SAMD3: variants seen among roughly 807,000 people sequenced by gnomAD.
The protein encoded by SAMD3 is sterile alpha motif domain containing 3, also known as sterile alpha motif domain-containing protein 3.
In SAMD3, 63 loss-of-function variants were observed where a neutral mutation model predicts 58.5. That is an observed-to-expected ratio of 1.08 (90% CI 0.88 to 1.33). The LOEUF (loss-of-function observed/expected upper bound fraction) is 1.33, where lower values mean the gene tolerates loss of function less well. Ranked by LOEUF, SAMD3 falls within the 40% of genes most tolerant of loss-of-function variation. The pLI is 0.00. For synonymous variants in SAMD3, 220 were observed against 210.3 expected, an observed-to-expected ratio of 1.05 and a Z score of -0.40; for missense variants, 604 against 608.4, an observed-to-expected ratio of 0.99 and a Z score of 0.08.
intron 2 of SAMD3, among the ~76,000 whole-genome samples, chr6:130,273,275 T>C (rs1774634388): frequency 6.6e-6 from 1 of 152,138 alleles, no homozygotes; most frequent in African/African-American, 2.4e-5. Context: ...CTTTGTCTTG[T>C]GAATAAGGTC....
intron 5 of SAMD3, among the ~76,000 whole-genome samples, chr6:130,192,366 A>G (rs1203909428): frequency 6.6e-6 from 1 of 152,148 alleles, no homozygotes; most frequent in Non-Finnish European, 1.5e-5. Context: ...CTGCACATAC[A>G]CATCCAGATG....
intron 9 of SAMD3, among the ~76,000 whole-genome samples, chr6:130,150,530 C>T (rs1582715459): frequency 6.6e-6 from 1 of 152,116 alleles, no homozygotes; most frequent in Non-Finnish European, 1.5e-5. Flanking sequence ...GGTGGATCTT[C>T]TGGTCCTGTC....
At chr6:130,180,380 C>T (rs1187972913) in intron 7 of SAMD3, among the ~76,000 whole-genome samples, 3 of 143,864 alleles carry the variant, frequency 2.1e-5, no homozygotes, top group African/African-American at 7.8e-5. Context: ...AGTGATCCGT[C>T]CGCCTTGGCC....
intron 8 of SAMD3, among the ~76,000 whole-genome samples, chr6:130,167,182 C>T (rs918650702): frequency 5.9e-5 from 9 of 151,956 alleles, no homozygotes; most frequent in South Asian, 2.1e-4. Flanking sequence ...AAGGTGAAAC[C>T]GAATGAGGTA....
chr6:130,295,590 A>G (rs1288058596), intron 2 of SAMD3, among the ~76,000 whole-genome samples: 1 of 152,218 alleles, frequency 6.6e-6, no homozygotes, highest in Non-Finnish European at 1.5e-5. Flanking sequence ...AACTCTCCTC[A>G]TCTCTCATTG....
At chr6:130,279,631 C>T (rs1455988189) in intron 2 of SAMD3, among the ~76,000 whole-genome samples, 1 of 151,840 alleles carries the variant, frequency 6.6e-6, no homozygotes, top group Non-Finnish European at 1.5e-5. Context: ...ATTACAGGCA[C>T]CTGCCAGCAG....
At chr6:130,166,137 C>T (rs182217040) in intron 8 of SAMD3, among the ~76,000 whole-genome samples, 7 of 152,298 alleles carry the variant, frequency 4.6e-5, no homozygotes, top group South Asian at 2.1e-4. Context: ...ATTCATGGCA[C>T]CACAGCCCAG....
At chr6:130,224,595 A>AT (rs200146708), upstream of SAMD3, among the ~76,000 whole-genome samples, 59 of 48,338 alleles carry the variant, frequency 1.2e-3, no homozygotes, top group Non-Finnish European at 1.7e-3. Flanking sequence ...CTATTTATTT[A>AT]TTATTATTAT....
At chr6:130,221,297 T>C (rs150845514) in intron 1 of SAMD3, among the ~76,000 whole-genome samples, 247 of 152,254 alleles carry the variant, frequency 1.6e-3, no homozygotes, top group African/African-American at 5.7e-3. Context: ...TTTAAAATAA[T>C]CTAAGATTAC....
intron 2 of SAMD3, among the ~76,000 whole-genome samples, chr6:130,297,250 C>G (rs1262667587): frequency 1.3e-5 from 2 of 152,232 alleles, no homozygotes; most frequent in Non-Finnish European, 2.9e-5. Flanking sequence ...AGCCACTGCA[C>G]AGAAGCTATC....
chr6:130,273,612 G>A (rs1480717569), intron 2 of SAMD3, among the ~76,000 whole-genome samples: 2 of 126,842 alleles, frequency 1.6e-5, no homozygotes, highest in Non-Finnish European at 3.4e-5. Context: ...GATTTTTTTT[G>A]TAGATATAGT....
In SAMD3 at chr6:130,347,056, C is replaced by T. The variant is rs142846774; in HGVS notation, c.-304+18064G>A. On this transcript the variant is annotated intron_variant, in intron 1 of 13. Transcript: ENST00000368134. ...AAGGAAAACTAATAAACAGAAAGGA[C>T]ATCCACACCAAAACCCCATCTGTAC... is the stretch of plus-strand genomic sequence containing the variant. 7.1e-3 allele frequency among the ~76,000 whole-genome samples: 1,079 copies of T among 152,224 alleles called. 4 individuals are homozygous for T. The highest frequency in any genetic ancestry group is 0.02 in the Middle Eastern group (6 of 294).
chr6:130,212,294 A>T (rs1795643640), intron 4 of SAMD3, among the ~76,000 whole-genome samples: 1 of 152,210 alleles, frequency 6.6e-6, no homozygotes, highest in Non-Finnish European at 1.5e-5. Context: ...CTCTTCTCAC[A>T]TGCAATTGTA....
At chr6:130,243,840 A>C (rs893967782) in intron 2 of SAMD3, among the ~76,000 whole-genome samples, 1 of 152,184 alleles carries the variant, frequency 6.6e-6, no homozygotes, top group South Asian at 2.1e-4. Context: ...CCACAAACAC[A>C]TTATGTAATA....
intron 7 of SAMD3, among the ~76,000 whole-genome samples, chr6:130,181,958 G>A (rs1470091182): frequency 3.3e-5 from 5 of 151,926 alleles, no homozygotes; most frequent in Admixed American, 6.6e-5. Flanking sequence ...CCAGCTACTC[G>A]GGAGGCTGAG....
intron 8 of SAMD3, among the ~76,000 whole-genome samples, chr6:130,173,941 G>A (rs1582792152): frequency 6.6e-6 from 1 of 152,314 alleles, no homozygotes; most frequent in Non-Finnish European, 1.5e-5. Context: ...CCACTTTGCT[G>A]TGTCCAGCCC....
intron 2 of SAMD3, among the ~76,000 whole-genome samples, chr6:130,244,900 G>A (rs1219263341): frequency 6.6e-6 from 1 of 152,162 alleles, no homozygotes. Flanking sequence ...TGATCCCTCA[G>A]TAAATGTTTG....
chr6:130,244,652 A>G (rs9492500), intron 2 of SAMD3, among the ~76,000 whole-genome samples: 36,950 of 151,652 alleles, frequency 0.24, 5,915 homozygotes, highest in African/African-American at 0.45. Context: ...AGGCATGAGA[A>G]TCGCCTGAAC....
At chr6:130,198,122 ACTCT>A (rs1201257098) in intron 5 of SAMD3, among the ~76,000 whole-genome samples, 1 of 151,476 alleles carries the variant, frequency 6.6e-6, no homozygotes, top group Admixed American at 6.6e-5. Context: ...CTCTTCGCTG[ACTCT>A]CTTTTTGGAC....
Sources: gnomAD v4.1 joint callset for allele counts (sites outside exome capture counted in the v4.1 genomes callset) on GRCh38, gnomAD v4.1.1 for gene constraint, MANE v1.5 for transcripts, NCBI Gene and HGNC (gene_info 2026-07-23, HGNC 2026-07-21) for gene names.